The following UBASH3B variants were observed in gnomAD, a reference collection of about 807,000 sequenced individuals.
UBASH3B encodes ubiquitin-associated and SH3 domain-containing protein B.
A neutral mutation model predicts 83.4 loss-of-function variants in UBASH3B; 37 were observed. The observed-to-expected ratio is 0.44, with a 90% CI of 0.34 to 0.58. UBASH3B has a LOEUF of 0.58. Ranked by LOEUF, UBASH3B falls within the 20% of genes least tolerant of loss-of-function variation. The pLI is 0.01. For synonymous variants in UBASH3B, 304 were observed against 318.3 expected (o/e 0.96, Z 0.48); for missense variants, 657 against 827.2 (o/e 0.79, Z 2.52).
intron 1 of UBASH3B, among the ~76,000 whole-genome samples, chr11:122,689,689 C>T (rs546734154): frequency 1.5e-4 from 23 of 152,254 alleles, no homozygotes; most frequent in Admixed American, 1.1e-3. Flanking sequence ...GGCTCTGGCC[C>T]CAGACTGCCC....
chr11:122,776,985 T>C (rs1365824358), intron 2 of UBASH3B, 39 bp from the exon 3 acceptor site: 1 of 1,532,734 alleles, frequency 6.5e-7, no homozygotes, highest in Middle Eastern at 1.8e-4. Flanking sequence ...CTCCCATTAT[T>C]CTCAAGCGAC....
intron 1 of UBASH3B, among the ~76,000 whole-genome samples, chr11:122,729,790 C>T (rs1379337263): frequency 1.3e-5 from 1 of 78,082 alleles, no homozygotes; most frequent in East Asian, 3.0e-4. Context: ...AAGACCCTAT[C>T]TCTACAAAAA....
At chr11:122,731,843 C>T (rs1860849083) in intron 1 of UBASH3B, among the ~76,000 whole-genome samples, 1 of 152,208 alleles carries the variant, frequency 6.6e-6, no homozygotes, top group South Asian at 2.1e-4. Flanking sequence ...TCTCTTGTCA[C>T]ACTCACTACT....
chr11:122,745,006 G>A (rs1861094376), intron 1 of UBASH3B, among the ~76,000 whole-genome samples: 1 of 151,384 alleles, frequency 6.6e-6, no homozygotes, highest in Non-Finnish European at 1.5e-5. Context: ...GGGGTCTGGG[G>A]AGAGGGTGTT....
At chr11:122,656,296 C>G (rs1251828116) in intron 1 of UBASH3B, 86 bp downstream of exon 1, 5 of 1,250,242 alleles carry the variant, frequency 4.0e-6, no homozygotes, top group African/African-American at 1.6e-5. Context: ...CTCCCAGCGC[C>G]TGCGGGACAG....
At chr11:122,687,608 T>C (rs989179486) in intron 1 of UBASH3B, among the ~76,000 whole-genome samples, 1 of 152,214 alleles carries the variant, frequency 6.6e-6, no homozygotes, top group African/African-American at 2.4e-5. Context: ...ATGTGTTTTG[T>C]ATGCTGTATT....
At chr11:122,742,735 T>C (rs570821050) in intron 1 of UBASH3B, among the ~76,000 whole-genome samples, 1 of 152,334 alleles carries the variant, frequency 6.6e-6, no homozygotes, top group Admixed American at 6.5e-5. Context: ...TGTGGGAAAA[T>C]GTTTTAAATC....
At chr11:122,701,271 T>C (rs139822550) in intron 1 of UBASH3B, among the ~76,000 whole-genome samples, 3 of 152,356 alleles carry the variant, frequency 2.0e-5, no homozygotes, top group Admixed American at 6.5e-5. Context: ...AATGTTCTAA[T>C]TGGGTCTTCT....
chr11:122,773,901 T>C (rs907919694), intron 1 of UBASH3B: 1 of 847,118 alleles, frequency 1.2e-6, no homozygotes, highest in Non-Finnish European at 1.4e-6. Flanking sequence ...GAATTCCTTA[T>C]ATAAATAGCA....
chr11:122,782,240 CA>C (rs60841034), intron 4 of UBASH3B: 48,825 of 129,464 alleles, frequency 0.38, 8,589 homozygotes, highest in East Asian at 0.69. Flanking sequence ...GACCCTGTCT[CA>C]AAAAAAAAAA....
At chr11:122,730,353 G>A (rs1009670311) in intron 1 of UBASH3B, among the ~76,000 whole-genome samples, 3 of 152,040 alleles carry the variant, frequency 2.0e-5, no homozygotes, top group African/African-American at 4.8e-5. Flanking sequence ...GCCTTTCCAT[G>A]TGTCCCCTAA....
intron 1 of UBASH3B, among the ~76,000 whole-genome samples, chr11:122,690,204 A>ACAAT (rs1863871901): frequency 4.1e-4 from 10 of 24,558 alleles, no homozygotes; most frequent in Admixed American, 6.7e-4. Flanking sequence ...ATATATATAT[A>ACAAT]TATATCCAAT....
At chr11:122,770,771 A>C (rs1347380062) in intron 1 of UBASH3B, among the ~76,000 whole-genome samples, 1 of 152,120 alleles carries the variant, frequency 6.6e-6, no homozygotes, top group Admixed American at 6.6e-5. Flanking sequence ...TAAATATTCA[A>C]GCTGCAGTGC....
chr11:122,689,552 G>A (rs1051711335), intron 1 of UBASH3B, among the ~76,000 whole-genome samples: 2 of 152,056 alleles, frequency 1.3e-5, no homozygotes, highest in African/African-American at 2.4e-5. Flanking sequence ...CATCAACACC[G>A]AGGAAGCCTT....
At chr11:122,730,221 G>T (rs1309335289) in intron 1 of UBASH3B, among the ~76,000 whole-genome samples, 1 of 152,150 alleles carries the variant, frequency 6.6e-6, no homozygotes, top group Non-Finnish European at 1.5e-5. Context: ...AGGAGGTGGA[G>T]TTTGCAGTGA....
intron 1 of UBASH3B, among the ~76,000 whole-genome samples, chr11:122,763,582 G>A (rs1405342871): frequency 6.6e-6 from 1 of 152,056 alleles, no homozygotes. Flanking sequence ...AAAACCCAGA[G>A]CCTTTTTCTC....
chr11:122,776,910 C>T, intron 2 of UBASH3B, 114 bp from the exon 3 acceptor site: 6 of 1,006,656 alleles, frequency 6.0e-6, no homozygotes, highest in Non-Finnish European at 2.9e-6. Flanking sequence ...GAAAACCCTT[C>T]CCCGCGCTGT....
chr11:122,784,281 A>G (rs939981995), intron 5 of UBASH3B, among the ~76,000 whole-genome samples: 16 of 152,190 alleles, frequency 1.1e-4, no homozygotes, highest in Non-Finnish European at 2.1e-4. Context: ...CACAAAAAAC[A>G]TTAGTGTCTT....
At chr11:122,793,356 C>T (rs1036276137) in intron 6 of UBASH3B, among the ~76,000 whole-genome samples, 8 of 152,148 alleles carry the variant, frequency 5.3e-5, no homozygotes, top group African/African-American at 1.7e-4. Flanking sequence ...GCCCTTCAGC[C>T]TGGGCGACAA....
Sources: allele counts gnomAD v4.1 joint callset (sites outside exome capture counted in the v4.1 genomes callset), GRCh38; gene constraint gnomAD v4.1.1; transcripts MANE v1.5; gene names NCBI Gene and HGNC (gene_info 2026-07-23, HGNC 2026-07-21).